The following SH3D19 variants were observed in gnomAD, a reference collection of about 807,000 sequenced individuals.
SH3D19 encodes SH3 domain-containing protein 19.
In SH3D19, 58 loss-of-function variants were observed where a neutral mutation model predicts 112.1. The ratio of observed to expected loss-of-function variants is 0.52; its 90% CI spans 0.42 to 0.64. The LOEUF (loss-of-function observed/expected upper bound fraction) is 0.64, where lower values mean the gene tolerates loss of function less well. SH3D19 is among the 30% of genes least tolerant of loss of function. The pLI, the probability that SH3D19 is intolerant of heterozygous loss-of-function variation, is 0.00. For missense variants in SH3D19, 1,090 were observed against 1,263.4 expected, an observed-to-expected ratio of 0.86 and a Z score of 2.08; for synonymous variants, 391 against 448.5, an observed-to-expected ratio of 0.87 and a Z score of 1.62.
At chr4:151,291,507 ATTTTGT>A in intron 1 of SH3D19, 1 of 1,303,818 alleles carries the variant, frequency 7.7e-7, no homozygotes. Flanking sequence ...ATTTGAAATG[ATTTTGT>A]TTTTAAGGTT....
At chr4:151,245,682 A>G (rs1386241803) in intron 1 of SH3D19, among the ~76,000 whole-genome samples, 1 of 152,046 alleles carries the variant, frequency 6.6e-6, no homozygotes, top group Admixed American at 6.6e-5. Flanking sequence ...GCTCACTGCA[A>G]CCTCCGCCTC....
chr4:151,242,059 T>C (rs1241987809), intron 1 of SH3D19, among the ~76,000 whole-genome samples: 1 of 151,738 alleles, frequency 6.6e-6, no homozygotes, highest in Non-Finnish European at 1.5e-5. Context: ...GGCATGGTGG[T>C]GCAAGCCTGC....
intron 8 of SH3D19, among the ~76,000 whole-genome samples, chr4:151,161,337 T>C (rs1757113090): frequency 6.6e-6 from 1 of 152,140 alleles, no homozygotes; most frequent in Admixed American, 6.5e-5. Context: ...CCCTTGACCA[T>C]TCCAAATTCT....
At chr4:151,165,047 T>C (rs1218604788) in intron 8 of SH3D19, among the ~76,000 whole-genome samples, 1 of 152,262 alleles carries the variant, frequency 6.6e-6, no homozygotes, top group Non-Finnish European at 1.5e-5. Context: ...CCACCAAATC[T>C]GTACCAGAGG....
chr4:151,221,865 T>G (rs547614649), intron 2 of SH3D19, among the ~76,000 whole-genome samples: 1 of 152,290 alleles, frequency 6.6e-6, no homozygotes, highest in South Asian at 2.1e-4. Context: ...GTCAATAGAT[T>G]CTCAGAGATT....
intron 7 of SH3D19, among the ~76,000 whole-genome samples, chr4:151,172,773 C>A (rs999114587): frequency 2.0e-5 from 3 of 152,160 alleles, no homozygotes; most frequent in Admixed American, 1.3e-4. Flanking sequence ...CTGTGTGACA[C>A]GGTGAGAAGA....
chr4:151,287,138 T>G (rs1371219944), intron 1 of SH3D19, among the ~76,000 whole-genome samples: 1 of 151,260 alleles, frequency 6.6e-6, no homozygotes, highest in Non-Finnish European at 1.5e-5. Context: ...GTCAGGAGTT[T>G]GGGACCAGCC....
intron 19 of SH3D19, among the ~76,000 whole-genome samples, chr4:151,125,916 T>C (rs1368991765): frequency 6.6e-5 from 8 of 121,024 alleles, no homozygotes; most frequent in East Asian, 5.0e-4. Context: ...CAATATATTA[T>C]AACAGAAATG....
intron 1 of SH3D19, chr4:151,226,302 C>T: frequency 8.3e-7 from 1 of 1,200,382 alleles, no homozygotes; most frequent in Non-Finnish European, 1.0e-6. Flanking sequence ...TTGTTAAAAT[C>T]ATCTACTTGG....
chr4:151,164,338 G>T (rs1757628106), intron 8 of SH3D19, among the ~76,000 whole-genome samples: 1 of 152,116 alleles, frequency 6.6e-6, no homozygotes. Flanking sequence ...GCCATGAACT[G>T]CTCTGGAACC....
Position 151,147,459 on chromosome 4 carries a change from T to C in SH3D19, c.2082+463A>G, listed in dbSNP as rs186393823. ...ATAATGAAACCCTGCTTTAAAGACC[T>C]AGGTGTTTTGTTTGTTTGCTTTGAG... On this transcript the variant is annotated intron_variant, in intron 11 of 19. Coordinates refer to ENST00000604030, the MANE Select transcript of SH3D19 (RefSeq NM_001378122.1). Among the ~76,000 whole-genome samples the C allele has an allele frequency of 2.3e-3, 352 of 152,246 alleles. 1 individual carries two copies. Among genetic ancestry groups the C allele is most frequent in the African/African-American group, 8.3e-3 (344 of 41,546 alleles).
chr4:151,318,072 C>T (rs773286165), intron 1 of SH3D19, among the ~76,000 whole-genome samples: 2 of 150,876 alleles, frequency 1.3e-5, no homozygotes, highest in African/African-American at 4.9e-5. Flanking sequence ...CTGAGGTGGG[C>T]AGGTCACGAG....
chr4:151,272,189 G>T (rs745485482), intron 1 of SH3D19, among the ~76,000 whole-genome samples: 3 of 152,184 alleles, frequency 2.0e-5, no homozygotes, highest in Non-Finnish European at 4.4e-5. Flanking sequence ...AAAAGGCAAA[G>T]ATAAATAGAT....
In SH3D19 at chr4:151,240,646, T is replaced by C. The variant is rs373356535; in HGVS notation, c.113-14560A>G. Among the ~76,000 whole-genome samples, 3 of 151,952 alleles carry C rather than the reference T, an allele frequency of 2.0e-5. No homozygotes were observed. The South Asian group carries it at 6.2e-4, about 31-fold the overall frequency. Reference sequence around the variant, plus strand: ...AAGACAGATTAATATTAATAACAAATGTTGGCAAAGATGTTGAGAAATCAG... The same window carrying C: ...AAGACAGATTAATATTAATAACAAACGTTGGCAAAGATGTTGAGAAATCAG... On this transcript the variant is annotated intron_variant, in intron 1 of 19. Transcript: ENST00000604030.
At position 151,325,397 on chromosome 4, in the gene SH3D19, G is replaced by A; in HGVS notation, c.-45C>T. 2.9e-6 allele frequency: 3 copies of A among 1,034,824 alleles called. No individual in the cohort carries two copies. Among genetic ancestry groups the A allele is most frequent in the Non-Finnish European group, 3.7e-6 (3 of 819,870 alleles). The allele number at this position is 1,034,824 out of a possible 1,614,324, so 64.1% of individuals were successfully genotyped here. ...GCCGCGGGATGGCCAGCGAGCTGCG[G>A]CCCCGGCGCCCCAGAACGCCTGCAC... On this transcript the variant is annotated 5_prime_UTR_variant, in exon 1 of 20. Coordinates refer to ENST00000604030, the MANE Select transcript of SH3D19 (RefSeq NM_001378122.1).
intron 2 of SH3D19, among the ~76,000 whole-genome samples, chr4:151,220,421 C>CT (rs1320298022): frequency 1.3e-5 from 2 of 152,110 alleles, no homozygotes; most frequent in African/African-American, 4.8e-5. Context: ...TTGCCGCCTT[C>CT]TTTTTTTGCT....
rs551402155 is a variant in SH3D19, at chr4:151,274,251, C to T, written c.113-48165G>A. Among the ~76,000 whole-genome samples the T allele has an allele frequency of 3.9e-5, 6 of 152,220 alleles. No individual in the cohort carries two copies. In the South Asian group the frequency reaches 8.3e-4, roughly 21 times the overall value. The stretch of plus-strand genomic sequence containing the variant: ...AAAGCAAATGGAGAGATTTTTTTCA[C>T]GTGTTCACTTCTAAAATCTTTTAAA... On this transcript the variant is annotated intron_variant, in intron 1 of 19. Transcript: ENST00000604030.
chr4:151,277,915 C>T (rs546209039), intron 1 of SH3D19, among the ~76,000 whole-genome samples: 1 of 152,178 alleles, frequency 6.6e-6, no homozygotes, highest in East Asian at 1.9e-4. Context: ...GTGGCGGGCA[C>T]CTGTAGTCCC....
Position 151,325,380 on chromosome 4 carries a change from A to G in SH3D19, c.-28T>C. The G allele has an allele frequency of 8.8e-7, 1 of 1,140,612 alleles. No homozygotes were observed. The highest frequency in any genetic ancestry group is 1.1e-6 in the Non-Finnish European group (1 of 913,690). The allele number at this position is 1,140,612 out of a possible 1,614,324, so 70.7% of individuals were successfully genotyped here. On this transcript the variant is annotated 5_prime_UTR_variant, in exon 1 of 20. Transcript: ENST00000604030. ...GCGAGGCGCGGGGCGCAGCCGCGGG[A>G]TGGCCAGCGAGCTGCGGCCCCGGCG...
Sources: gnomAD v4.1 joint callset for allele counts (sites outside exome capture counted in the v4.1 genomes callset) on GRCh38, gnomAD v4.1.1 for gene constraint, MANE v1.5 for transcripts, NCBI Gene and HGNC (gene_info 2026-07-23, HGNC 2026-07-21) for gene names.